Variants in HSF2BP observed in about 807,000 individuals in gnomAD.
HSF2BP encodes heat shock transcription factor 2 binding protein, also known as heat shock factor 2-binding protein.
In HSF2BP, 35 loss-of-function variants were observed where a neutral mutation model predicts 35.0. The observed-to-expected ratio is 1.00, with a 90% CI of 0.76 to 1.32. The LOEUF (loss-of-function observed/expected upper bound fraction) is 1.32. HSF2BP is among the 40% of genes most tolerant of loss of function. HSF2BP has a pLI of 0.00. For missense variants in HSF2BP, 326 were observed against 321.7 expected (o/e 1.01, Z -0.10); for synonymous variants, 114 against 117.4 (o/e 0.97, Z 0.18).
the HSF2BP span, among the ~76,000 whole-genome samples, chr21:43,506,915 C>T: frequency 1.7e-3 from 209 of 123,456 alleles, 37 homozygotes; most frequent in African/African-American, 5.6e-3. Context: ...AAGCACAACA[C>T]GCCAGAGGCA....
intron 3 of HSF2BP, 104 bp downstream of exon 3, chr21:43,656,483 G>T: frequency 1.9e-6 from 2 of 1,064,146 alleles, no homozygotes; most frequent in Non-Finnish European, 2.8e-6. Context: ...TCATCACAAG[G>T]ACTGTAAGAG....
At chr21:43,650,229 CAG>C (rs1182005514) in intron 3 of HSF2BP, among the ~76,000 whole-genome samples, 32 of 151,944 alleles carry the variant, frequency 2.1e-4, no homozygotes, top group Admixed American at 5.2e-4. Context: ...TTTTTTGAGA[CAG>C]AGTCTCGCTC....
intron 8 of HSF2BP, among the ~76,000 whole-genome samples, chr21:43,577,331 G>A (rs1438450930): frequency 6.6e-6 from 1 of 152,184 alleles, no homozygotes; most frequent in African/African-American, 2.4e-5. Flanking sequence ...GACACTTAGT[G>A]ACTGTATTAC....
intron 6 of HSF2BP, among the ~76,000 whole-genome samples, chr21:43,617,618 T>C (rs2082286263): frequency 6.6e-6 from 1 of 151,896 alleles, no homozygotes; most frequent in African/African-American, 2.4e-5. Flanking sequence ...TCATTAAAAG[T>C]GCTTATAGGT....
chr21:43,649,688 C>G (rs2082756865), intron 3 of HSF2BP, among the ~76,000 whole-genome samples: 1 of 152,210 alleles, frequency 6.6e-6, no homozygotes, highest in East Asian at 1.9e-4. Flanking sequence ...CAGTGAATAT[C>G]TGACTGCCAC....
At chr21:43,582,108 TG>T (rs1568884834) in intron 8 of HSF2BP, among the ~76,000 whole-genome samples, 81 of 51,254 alleles carry the variant, frequency 1.6e-3, no homozygotes, top group East Asian at 2.4e-3. Context: ...GGGCCTGCTG[TG>T]GGGAATGAGG....
intron 3 of HSF2BP, among the ~76,000 whole-genome samples, chr21:43,654,459 A>G (rs1054861794): frequency 1.3e-5 from 2 of 151,930 alleles, no homozygotes; most frequent in Non-Finnish European, 2.9e-5. Context: ...ACACAGTTCT[A>G]TTTTGCTTCA....
At chr21:43,623,999 A>G (rs1319675156) in intron 6 of HSF2BP, among the ~76,000 whole-genome samples, 1 of 152,186 alleles carries the variant, frequency 6.6e-6, no homozygotes, top group Non-Finnish European at 1.5e-5. Flanking sequence ...ACACCTAGAA[A>G]AAGATGGGCT....
intron 6 of HSF2BP, among the ~76,000 whole-genome samples, chr21:43,622,984 T>C (rs1601684485): frequency 7.0e-6 from 1 of 143,318 alleles, no homozygotes; most frequent in Middle Eastern, 3.4e-3. Flanking sequence ...TTTTTTTTTT[T>C]CGTAGAGATA....
intron 2 of HSF2BP, chr21:43,657,712 G>A (rs1368012824): frequency 2.3e-6 from 1 of 435,948 alleles, no homozygotes; most frequent in African/African-American, 2.1e-5. Context: ...CTGACGCTAA[G>A]TCCCGAAGCA....
At chr21:43,627,936 T>C (rs924867843) in intron 6 of HSF2BP, among the ~76,000 whole-genome samples, 1 of 152,176 alleles carries the variant, frequency 6.6e-6, no homozygotes, top group African/African-American at 2.4e-5. Context: ...TGATCAATGA[T>C]CTTTGATGTT....
At chr21:43,619,050 G>T (rs1473617076) in intron 6 of HSF2BP, among the ~76,000 whole-genome samples, 1 of 152,066 alleles carries the variant, frequency 6.6e-6, no homozygotes, top group Non-Finnish European at 1.5e-5. Context: ...CACAATCGCA[G>T]CTCACTGCAC....
chr21:43,658,578 G>C (rs1162235246), intron 1 of HSF2BP, among the ~76,000 whole-genome samples: 1 of 152,192 alleles, frequency 6.6e-6, no homozygotes, highest in African/African-American at 2.4e-5. Context: ...GATAACCCCC[G>C]CTACGTGTGG....
intron 3 of HSF2BP, among the ~76,000 whole-genome samples, chr21:43,646,578 T>C (rs955130059): frequency 6.6e-5 from 10 of 152,240 alleles, no homozygotes; most frequent in Non-Finnish European, 1.3e-4. Context: ...ACAAGCCTTA[T>C]CATGTGTAAA....
chr21:43,604,495 C>A (rs1031208494), intron 7 of HSF2BP, among the ~76,000 whole-genome samples: 31 of 112,958 alleles, frequency 2.7e-4, no homozygotes, highest in African/African-American at 9.2e-4. Flanking sequence ...CACACACACA[C>A]CACACACTAC....
At chr21:43,613,272 C>G (rs905252121) in intron 7 of HSF2BP, among the ~76,000 whole-genome samples, 1 of 152,266 alleles carries the variant, frequency 6.6e-6, no homozygotes, top group East Asian at 1.9e-4. Flanking sequence ...AGCTGACCAG[C>G]CAGCTGGGAA....
At chr21:43,655,587 G>A (rs2082856379) in intron 3 of HSF2BP, among the ~76,000 whole-genome samples, 1 of 152,152 alleles carries the variant, frequency 6.6e-6, no homozygotes, top group Non-Finnish European at 1.5e-5. Flanking sequence ...CAAAACAGCA[G>A]CAAAGCAGGG....
Position 43,630,452 on chromosome 21 carries a change from A to G in HSF2BP, c.444T>C (p.Asp148=). 6.2e-7 allele frequency: 1 copy of G among 1,608,926 alleles called. No individual in the cohort carries two copies. Among genetic ancestry groups the G allele is most frequent in the Non-Finnish European group, 8.5e-7 (1 of 1,178,512 alleles). Residue 148 remains aspartate (D), a splice_region_variant and synonymous_variant, in exon 6 of 9, where the codon GAT becomes GAC. Transcript: ENST00000291560. ...EEVVKAILGG[D]KALKFFSITG... ...TGATGCTGAAAAACTTCAAAGCTTTATCCTGAAAGTTTGAAAATCAGAGTG... is the reference window on the plus strand; with the variant it reads ...TGATGCTGAAAAACTTCAAAGCTTTGTCCTGAAAGTTTGAAAATCAGAGTG...
intron 7 of HSF2BP, chr21:43,609,904 A>G (rs2082182500): frequency 6.6e-6 from 1 of 152,382 alleles, no homozygotes; most frequent in African/African-American, 2.4e-5. Flanking sequence ...AATTCTCCCC[A>G]TCTCCCACTG....
Sources: gnomAD v4.1 joint callset for allele counts (sites outside exome capture counted in the v4.1 genomes callset) on GRCh38, gnomAD v4.1.1 for gene constraint, MANE v1.5 for transcripts, NCBI Gene and HGNC (gene_info 2026-07-23, HGNC 2026-07-21) for gene names.